CRTC3: variants seen among roughly 807,000 people sequenced by gnomAD.
The protein encoded by CRTC3 is CREB regulated transcription coactivator 3, also known as CREB-regulated transcription coactivator 3.
Under a neutral mutation model 74.5 loss-of-function variants are expected in CRTC3, and 26 were observed. The ratio of observed to expected loss-of-function variants is 0.35; its 90% CI spans 0.26 to 0.48. The LOEUF (loss-of-function observed/expected upper bound fraction) is 0.48, where lower values mean the gene tolerates loss of function less well. Among genes scored for constraint, CRTC3 ranks in the 20% least tolerant of loss-of-function variants. The pLI, the probability that CRTC3 is intolerant of heterozygous loss-of-function variation, is 0.99. For synonymous variants in CRTC3, 377 were observed against 325.8 expected, an observed-to-expected ratio of 1.16 and a Z score of -1.69; for missense variants, 760 against 787.3, an observed-to-expected ratio of 0.97 and a Z score of 0.41.
Position 90,627,901 on chromosome 15 carries a change from A to ACCG in CRTC3, c.968-1332_968-1331insCGC, listed in dbSNP as rs1567192096. 6.5e-5 allele frequency among the ~76,000 whole-genome samples: 8 copies of ACCG among 123,878 alleles called. No homozygotes were observed. In the South Asian group the frequency reaches 2.5e-3, roughly 39 times the overall value. 81.3% of individuals were successfully genotyped at this position (123,878 alleles called of 152,430 possible). A position where few individuals can be genotyped will look rare whatever the true frequency, so the allele number is the denominator to read the frequency against. On this transcript the variant is annotated intron_variant, in intron 10 of 14. Transcript: ENST00000268184. ...AGTGCCGGGATTACAGGCGTGAGCC[A>ACCG]CGCCCAGCCGGCAAAATTATTTTTA...
chr15:90,619,957 C>T, intron 9 of CRTC3, 167 bp downstream of exon 9: 1 of 620,770 alleles, frequency 1.6e-6, no homozygotes, highest in South Asian at 2.0e-5. Flanking sequence ...ACTCATATTT[C>T]ATCTGTTTAA....
intron 11 of CRTC3, among the ~76,000 whole-genome samples, chr15:90,632,076 A>T (rs1200557754): frequency 3.4e-5 from 5 of 145,278 alleles, no homozygotes; most frequent in South Asian, 2.2e-4. Flanking sequence ...TAATTTTTGT[A>T]TTTTTTTTTT....
chr15:90,605,848 AATC>A (rs2151083416), intron 5 of CRTC3, among the ~76,000 whole-genome samples: 1 of 152,356 alleles, frequency 6.6e-6, no homozygotes, highest in African/African-American at 2.4e-5. Flanking sequence ...ATAAATAGAT[AATC>A]ATCTCTTGCA....
intron 14 of CRTC3, among the ~76,000 whole-genome samples, chr15:90,641,731 A>C (rs1969451507): frequency 6.6e-6 from 1 of 152,092 alleles, no homozygotes; most frequent in Admixed American, 6.5e-5. Context: ...GACTGTTCAA[A>C]AGGAAAAAAC....
intron 2 of CRTC3, among the ~76,000 whole-genome samples, chr15:90,552,541 C>T (rs1199576049): frequency 1.2e-5 from 1 of 85,138 alleles, no homozygotes; most frequent in African/African-American, 3.1e-5. Context: ...AACTCTGCTT[C>T]CTTTCGTACT....
At chr15:90,609,931 AG>A (rs1968318995) in intron 6 of CRTC3, among the ~76,000 whole-genome samples, 1 of 152,188 alleles carries the variant, frequency 6.6e-6, no homozygotes, top group Admixed American at 6.5e-5. Context: ...ACAACCATGG[AG>A]GGTGGGCTGG....
chr15:90,640,039 ACT>A (rs1969384312), intron 13 of CRTC3, among the ~76,000 whole-genome samples: 1 of 151,824 alleles, frequency 6.6e-6, no homozygotes, highest in East Asian at 2.0e-4. Flanking sequence ...ACAAAGCAAG[ACT>A]CTGTCTCAAA....
intron 4 of CRTC3, 110 bp downstream of exon 4, chr15:90,602,495 C>T (rs780750084): frequency 2.4e-5 from 16 of 678,792 alleles, no homozygotes; most frequent in Non-Finnish European, 3.9e-5. Flanking sequence ...AGCATAGAAT[C>T]CTGTTTTCTC....
chr15:90,584,702 A>G (rs770128074), intron 2 of CRTC3, among the ~76,000 whole-genome samples: 1 of 152,184 alleles, frequency 6.6e-6, no homozygotes, highest in Non-Finnish European at 1.5e-5. Flanking sequence ...CTGGAGGCCC[A>G]GTAGAGCTAA....
intron 3 of CRTC3, 24 bp from the exon 4 acceptor site, chr15:90,602,299 AT>A (rs760765679): frequency 7.2e-7 from 1 of 1,383,866 alleles, no homozygotes; most frequent in South Asian, 1.2e-5. Context: ...ATTAATTTTT[AT>A]TTTTCCTTTA....
chr15:90,622,283 G>T (rs1854815631), intron 9 of CRTC3, among the ~76,000 whole-genome samples: 1 of 152,172 alleles, frequency 6.6e-6, no homozygotes, highest in South Asian at 2.1e-4. Context: ...GGAACCACCT[G>T]TATTTCTCCC....
chr15:90,632,917 T>C (rs1969093286), intron 11 of CRTC3, among the ~76,000 whole-genome samples: 1 of 152,186 alleles, frequency 6.6e-6, no homozygotes, highest in Non-Finnish European at 1.5e-5. Context: ...CCATGTTGTT[T>C]TATGCTTTTT....
intron 11 of CRTC3, among the ~76,000 whole-genome samples, chr15:90,632,135 T>C (rs1969061474): frequency 2.0e-5 from 3 of 151,878 alleles, no homozygotes; most frequent in Admixed American, 6.6e-5. Context: ...TCCATAATTA[T>C]TGTTTTCGTG....
At chr15:90,596,437 T>A (rs569897513) in intron 3 of CRTC3, 6 of 152,168 alleles carry the variant, frequency 3.9e-5, no homozygotes, top group African/African-American at 1.4e-4. Context: ...GCAAAGCTAG[T>A]CAACTCCTAA....
intron 13 of CRTC3, 99 bp downstream of exon 13, chr15:90,638,914 C>T: frequency 2.0e-6 from 2 of 994,420 alleles, no homozygotes; most frequent in East Asian, 4.9e-5. Flanking sequence ...CCAGACATGC[C>T]ACTTTCCTGG....
chr15:90,639,996 C>G (rs914230921), intron 13 of CRTC3, among the ~76,000 whole-genome samples: 2 of 151,986 alleles, frequency 1.3e-5, no homozygotes, highest in African/African-American at 4.8e-5. Context: ...TTGCAGTGAG[C>G]TGAGATCGCA....
intron 2 of CRTC3, among the ~76,000 whole-genome samples, chr15:90,556,943 A>G (rs1342453602): frequency 6.8e-6 from 1 of 147,620 alleles, no homozygotes; most frequent in East Asian, 2.0e-4. Context: ...TATTCTCTTT[A>G]TAATCACCAC....
At chr15:90,591,826 A>G (rs1319323502) in intron 2 of CRTC3, among the ~76,000 whole-genome samples, 1 of 152,212 alleles carries the variant, frequency 6.6e-6, no homozygotes, top group African/African-American at 2.4e-5. Context: ...TCCTCATTGC[A>G]TCTTGCCAAG....
At chr15:90,563,871 T>C (rs1443417800) in intron 2 of CRTC3, among the ~76,000 whole-genome samples, 2 of 152,244 alleles carry the variant, frequency 1.3e-5, no homozygotes, top group Non-Finnish European at 2.9e-5. Context: ...CTTCTTTCCT[T>C]CTTTCTTCCC....
Sources: gnomAD v4.1 joint callset for allele counts (sites outside exome capture counted in the v4.1 genomes callset) on GRCh38, gnomAD v4.1.1 for gene constraint, MANE v1.5 for transcripts, NCBI Gene and HGNC (gene_info 2026-07-23, HGNC 2026-07-21) for gene names.